The following TWF2 variants were observed in gnomAD, a reference collection of about 807,000 sequenced individuals.
TWF2 encodes the protein twinfilin-2.
Under a neutral mutation model 45.1 loss-of-function variants are expected in TWF2, and 15 were observed. That is an observed-to-expected ratio of 0.33 (90% CI 0.22 to 0.51). The LOEUF is 0.51. Ranked by LOEUF, TWF2 falls within the 20% of genes least tolerant of loss-of-function variation. The probability of loss-of-function intolerance (pLI) is 0.97; values close to 1 mark genes in which losing one functional copy is unlikely to be tolerated. For missense variants in TWF2, 423 were observed against 469.1 expected (o/e 0.90, Z 0.91); for synonymous variants, 177 against 195.8 (o/e 0.90, Z 0.80).
In TWF2 at chr3:52,228,627, T is replaced by C. The variant is rs1405059619; in HGVS notation, c.*407A>G. On this transcript the variant is annotated 3_prime_UTR_variant, in exon 9 of 9. Coordinates refer to ENST00000305533, the MANE Select transcript of TWF2 (RefSeq NM_007284.4). ...AGCACAAGTCTTGATTTAAAAATAT[T>C]TTATTCTTTAGAAAATACAGCATTC... 1 of 174,846 alleles carries C rather than the reference T, an allele frequency of 5.7e-6. No individual in the cohort carries two copies. The highest frequency in any genetic ancestry group is 1.2e-5 in the Non-Finnish European group (1 of 82,450). The allele number at this position is 174,846 out of a possible 1,614,324, so 10.8% of individuals were successfully genotyped here.
chr3:52,233,540 C>T (rs1699698103), intron 2 of TWF2, among the ~76,000 whole-genome samples: 1 of 152,232 alleles, frequency 6.6e-6, no homozygotes, highest in South Asian at 2.1e-4. Context: ...GGCTGCCCAT[C>T]GGGGGCCTGG....
intron 1 of TWF2, among the ~76,000 whole-genome samples, chr3:52,236,060 G>A (rs150621406): frequency 3.3e-4 from 50 of 152,228 alleles, no homozygotes; most frequent in African/African-American, 1.1e-3. Context: ...CAGCAATTTG[G>A]GAGGCCAAGG....
chr3:52,229,597 G>C (rs1699658693), intron 8 of TWF2, 64 bp downstream of exon 8: 1 of 1,587,914 alleles, frequency 6.3e-7, no homozygotes, highest in African/African-American at 1.3e-5. Context: ...CAGGACCCCA[G>C]CGCCCCACAT....
intron 2 of TWF2, 129 bp downstream of exon 2, chr3:52,234,900 C>A: frequency 9.8e-7 from 1 of 1,022,814 alleles, no homozygotes; most frequent in Non-Finnish European, 1.5e-6. Context: ...TCAGGATGGC[C>A]TCACACCCAT....
intron 1 of TWF2, among the ~76,000 whole-genome samples, chr3:52,238,564 C>T (rs531112659): frequency 1.3e-5 from 2 of 152,292 alleles, no homozygotes; most frequent in East Asian, 3.9e-4. Context: ...GGGTCCTATG[C>T]GACCTACAGT....
rs1402281025 is a variant in TWF2, at chr3:52,232,004, G to A, written c.222C>T (p.Asp74=). 1.2e-6 allele frequency: 2 copies of A among 1,613,982 alleles called. No individual in the cohort carries two copies. Among genetic ancestry groups the A allele is most frequent in the Non-Finnish European group, 1.7e-6 (2 of 1,179,988 alleles). Residue 74 remains aspartate, a synonymous_variant, in exon 3 of 9, where the codon GAC becomes GAT. Coordinates refer to ENST00000305533, the MANE Select transcript of TWF2 (RefSeq NM_007284.4). ...ATTCGAAGCCCTGAGCATTCTGTGA[G>A]TCGAGGCGGTAGAGCAGGTAGCAGG... is the stretch of plus-strand genomic sequence containing the variant. ...QQPCYLLYRL[D]SQNAQGFEWL...
rs938196904 is a variant in TWF2, at chr3:52,228,945, T to C, written c.*89A>G. ...AGCCCTCCTGACCTCCCAGAAACAC[T>C]TTCCTGGAGCCCAGGAAGGAGGATG... On this transcript the variant is annotated 3_prime_UTR_variant, in exon 9 of 9. Coordinates refer to ENST00000305533, the MANE Select transcript of TWF2 (RefSeq NM_007284.4). The C allele has an allele frequency of 1.3e-6, 2 of 1,532,508 alleles. No homozygotes were observed. Among genetic ancestry groups the C allele is most frequent in the Non-Finnish European group, 1.8e-6 (2 of 1,137,904 alleles). 94.9% of individuals were successfully genotyped at this position (1,532,508 alleles called of 1,614,324 possible).
rs1699652486 is a variant in TWF2, at chr3:52,229,105, T to C, written c.979A>G (p.Lys327Glu). ...HAFKQAFAKP[K>E]GPGGKRGHKR... ...TGGCCCCGCTTGCCCCCTGGGCCCTTGGGCTTGGCGAAGGCCTGCTTGAAG... is the reference window on the plus strand; with the variant it reads ...TGGCCCCGCTTGCCCCCTGGGCCCTCGGGCTTGGCGAAGGCCTGCTTGAAG... Residue 327 changes from lysine (K) to glutamate (E), a missense_variant, in exon 9 of 9, where the codon AAG becomes GAG. Lys to Glu is a moderately conservative substitution (Grantham distance 56). Coordinates refer to ENST00000305533, the MANE Select transcript of TWF2 (RefSeq NM_007284.4). The C allele has an allele frequency of 6.2e-7, 1 of 1,613,438 alleles. No homozygotes were observed. Among genetic ancestry groups the C allele is most frequent in the South Asian group, 1.1e-5 (1 of 91,068 alleles).
intron 1 of TWF2, among the ~76,000 whole-genome samples, chr3:52,235,318 A>G (rs1045486495): frequency 7.2e-6 from 1 of 139,642 alleles, no homozygotes; most frequent in Non-Finnish European, 1.6e-5. Flanking sequence ...TGGCTGGGAT[A>G]GGTCTGGTGA....
chr3:52,232,605 C>T (rs1447761129), intron 2 of TWF2, among the ~76,000 whole-genome samples: 1 of 152,198 alleles, frequency 6.6e-6, no homozygotes, highest in African/African-American at 2.4e-5. Flanking sequence ...GTCACAGCCC[C>T]AGGCCACAGG....
chr3:52,236,631 G>T (rs558857028), intron 1 of TWF2, among the ~76,000 whole-genome samples: 1 of 152,102 alleles, frequency 6.6e-6, no homozygotes, highest in East Asian at 1.9e-4. Context: ...GGGCGGGGGG[G>T]CCTTTAGGAA....
intron 5 of TWF2, 29 bp from the exon 6 acceptor site, chr3:52,231,024 C>T (rs1699672393): frequency 6.2e-7 from 1 of 1,609,364 alleles, no homozygotes; most frequent in Non-Finnish European, 8.5e-7. Context: ...TGAGGGAGGC[C>T]CTCACCGGCC....
chr3:52,229,543 C>G, intron 8 of TWF2, 118 bp downstream of exon 8: 5 of 1,505,010 alleles, frequency 3.3e-6, no homozygotes, highest in Non-Finnish European at 4.5e-6. Flanking sequence ...CTCAGATGCC[C>G]TATGATCAAC....
intron 1 of TWF2, 111 bp downstream of exon 1, chr3:52,238,881 A>C (rs1699752854): frequency 1.4e-6 from 2 of 1,385,212 alleles, no homozygotes; most frequent in Admixed American, 4.7e-5. Context: ...AAAAGAGAAC[A>C]GGAAGCTTTC....
intron 2 of TWF2, 79 bp from the exon 3 acceptor site, chr3:52,232,201 C>T (rs1699685369): frequency 7.0e-7 from 1 of 1,435,128 alleles, no homozygotes; most frequent in Non-Finnish European, 9.1e-7. Flanking sequence ...CTCGCCGTGG[C>T]TGCCCAGCTG....
At chr3:52,231,685 G>A (rs1699680177) in intron 3 of TWF2, 146 bp from the exon 4 acceptor site, 2 of 1,016,394 alleles carry the variant, frequency 2.0e-6, no homozygotes, top group Admixed American at 2.7e-5. Flanking sequence ...GCAGCAGGTG[G>A]CCCCCACCAG....
rs367830457 is a variant in TWF2, at chr3:52,232,167, C to T, written c.104-45G>A. On this transcript the variant is annotated intron_variant, in intron 2 of 8. Transcript: ENST00000305533. ...GAGCAGCCGCTCCCAGCTCCCACTG[C>T]GCCTCCCGCTGCAGACCTCCAGCCT... 13 of 1,475,276 alleles carry T rather than the reference C, an allele frequency of 8.8e-6. No individual in the cohort carries two copies. The Admixed American group carries it at 1.4e-4, about 16-fold the overall frequency. The allele number at this position is 1,475,276 out of a possible 1,614,324, so 91.4% of individuals were successfully genotyped here. A position where few individuals can be genotyped will look rare whatever the true frequency, so the allele number is the denominator to read the frequency against.
intron 1 of TWF2, among the ~76,000 whole-genome samples, chr3:52,238,746 C>T (rs1221791191): frequency 1.3e-5 from 2 of 152,238 alleles, no homozygotes; most frequent in African/African-American, 4.8e-5. Flanking sequence ...CAGCCACATT[C>T]ATCTCCAGGT....
chr3:52,228,780 C>T lies in TWF2; in HGVS notation c.*254G>A. 1 of 559,456 alleles carries T rather than the reference C, an allele frequency of 1.8e-6. No homozygotes were observed. The highest frequency in any genetic ancestry group is 2.2e-5 in the South Asian group (1 of 44,960). 34.7% of individuals were successfully genotyped at this position (559,456 alleles called of 1,614,324 possible). A position where few individuals can be genotyped will look rare whatever the true frequency, so the allele number is the denominator to read the frequency against. On this transcript the variant is annotated 3_prime_UTR_variant, in exon 9 of 9. Transcript: ENST00000305533. ...GGGAGGCCAGGTTCATGCCAGGCCCCTGACCCAGCCCCCTTAAGCCAGCCA... is the reference window on the plus strand; with the variant it reads ...GGGAGGCCAGGTTCATGCCAGGCCCTTGACCCAGCCCCCTTAAGCCAGCCA...
Sources: gnomAD v4.1 joint callset for allele counts (sites outside exome capture counted in the v4.1 genomes callset) on GRCh38, gnomAD v4.1.1 for gene constraint, MANE v1.5 for transcripts, NCBI Gene and HGNC (gene_info 2026-07-23, HGNC 2026-07-21) for gene names.